The following SNX31 variants were observed in gnomAD, a reference collection of about 807,000 sequenced individuals.
SNX31 encodes the protein sorting nexin-31.
Under a neutral mutation model 65.4 loss-of-function variants are expected in SNX31, and 58 were observed. The ratio of observed to expected loss-of-function variants is 0.89; its 90% CI spans 0.72 to 1.10. SNX31 has a LOEUF of 1.10. Among genes scored for constraint, SNX31 ranks in the 50% least tolerant of loss-of-function variants. The pLI, the probability that SNX31 is intolerant of heterozygous loss-of-function variation, is 0.00. For missense variants in SNX31, 523 were observed against 529.7 expected (o/e 0.99, Z 0.12); for synonymous variants, 181 against 190.1 (o/e 0.95, Z 0.39).
At chr8:100,644,833 T>G (rs1819517963) in intron 2 of SNX31, among the ~76,000 whole-genome samples, 1 of 152,002 alleles carries the variant, frequency 6.6e-6, no homozygotes, top group African/African-American at 2.4e-5. Flanking sequence ...CCTGGCTAAT[T>G]TTTTGTATTT....
intron 12 of SNX31, among the ~76,000 whole-genome samples, chr8:100,583,311 G>T (rs1475932394): frequency 2.0e-5 from 3 of 151,758 alleles, no homozygotes; most frequent in Admixed American, 6.6e-5. Context: ...TCACCATGTT[G>T]GCCAGGCTGG....
chr8:100,634,387 C>T (rs7459678), intron 3 of SNX31, among the ~76,000 whole-genome samples: 22,466 of 149,570 alleles, frequency 0.15, 1,866 homozygotes, highest in South Asian at 0.25. Flanking sequence ...TTGTTCATTC[C>T]TAATCCAGAA....
intron 1 of SNX31, among the ~76,000 whole-genome samples, chr8:100,655,314 A>T (rs1249206446): frequency 6.6e-6 from 1 of 152,186 alleles, no homozygotes; most frequent in Non-Finnish European, 1.5e-5. Context: ...GCCTGGGATA[A>T]AATTAAAAGA....
At chr8:100,641,985 AGGAGAAT>A (rs1159315325) in intron 2 of SNX31, among the ~76,000 whole-genome samples, 2 of 152,068 alleles carry the variant, frequency 1.3e-5, no homozygotes, top group Non-Finnish European at 2.9e-5. Context: ...AGGCTGAGGC[AGGAGAAT>A]GGCGCGAACC....
intron 2 of SNX31, among the ~76,000 whole-genome samples, chr8:100,640,340 G>C (rs952111169): frequency 1.3e-5 from 2 of 152,138 alleles, no homozygotes; most frequent in African/African-American, 4.8e-5. Flanking sequence ...TGGTCAGGCT[G>C]GTCTCAAACT....
At position 100,604,586 on chromosome 8, in the gene SNX31, T is replaced by C. The variant is rs1309508358; in HGVS notation, c.681+3908A>G. 6.6e-6 allele frequency among the ~76,000 whole-genome samples: 1 copy of C among 152,244 alleles called. No individual in the cohort carries two copies. The highest frequency in any genetic ancestry group is 1.5e-5 in the Non-Finnish European group (1 of 68,042). On this transcript the variant is annotated intron_variant, in intron 8 of 13. Coordinates refer to ENST00000311812, the MANE Select transcript of SNX31 (RefSeq NM_152628.4). The surrounding 1 kb of genome is among the most constrained non-coding windows in gnomAD (Gnocchi z 4.3). ...CCCACCTGGAGGATGGGGTGCCTTT[T>C]TCTAATTTGCATCACTGTCCAGGCC...
At chr8:100,658,506 T>C (rs1809708656) in intron 1 of SNX31, among the ~76,000 whole-genome samples, 1 of 152,236 alleles carries the variant, frequency 6.6e-6, no homozygotes, top group Non-Finnish European at 1.5e-5. Flanking sequence ...ATGTAGTGGG[T>C]ACTTCCCATG....
intron 3 of SNX31, among the ~76,000 whole-genome samples, chr8:100,632,860 G>A (rs1818502103): frequency 6.6e-6 from 1 of 152,046 alleles, no homozygotes; most frequent in Admixed American, 6.5e-5. Context: ...GCTTCCCAAA[G>A]TGTTGGGATT....
intron 10 of SNX31, among the ~76,000 whole-genome samples, chr8:100,592,049 G>A (rs1475415564): frequency 1.3e-5 from 2 of 152,014 alleles, no homozygotes; most frequent in Non-Finnish European, 2.9e-5. Context: ...CTCAATGTCA[G>A]GTGATAAAAA....
At position 100,612,047 on chromosome 8, in the gene SNX31, A is replaced by G; in HGVS notation, c.564T>C (p.Ser188=). 6.2e-7 allele frequency: 1 copy of G among 1,614,138 alleles called. No individual in the cohort carries two copies. The highest frequency in any genetic ancestry group is 8.5e-7 in the Non-Finnish European group (1 of 1,180,016). Residue 188 remains serine, a synonymous_variant, in exon 7 of 14, where the codon AGT becomes AGC. Transcript: ENST00000311812. This position sits in a 1 kb window ranked among gnomAD's most constrained non-coding sequence, Gnocchi z 4.3. ...KLADFELPYV[S]LGSSEVENCK... ...AGTTTTCCACCTCAGAACTTCCAAG[A>G]CTAACATAAGGGAGTTCAAAGTCAG...
At chr8:100,624,203 T>C (rs1419846529) in intron 4 of SNX31, among the ~76,000 whole-genome samples, 1 of 152,038 alleles carries the variant, frequency 6.6e-6, no homozygotes, top group African/African-American at 2.4e-5. Flanking sequence ...TAATCCCAGC[T>C]CCTGGGGAAG....
In SNX31 at chr8:100,594,434, C is replaced by T. The variant is rs11997267; in HGVS notation, c.978+2205G>A. On this transcript the variant is annotated intron_variant, in intron 10 of 13. Coordinates refer to ENST00000311812, the MANE Select transcript of SNX31 (RefSeq NM_152628.4). The surrounding 1 kb of genome is among the most constrained non-coding windows in gnomAD (Gnocchi z 4.0). ...AAGTATCTAGAATACATAAAGAACT[C>T]TCAACACTCAACAGTAAAAAGCCAA... Among the ~76,000 whole-genome samples the T allele has an allele frequency of 0.043, 6,573 of 152,144 alleles. 500 individuals are homozygous for T. Among genetic ancestry groups the T allele is most frequent in the African/African-American group, 0.15 (6,249 of 41,474 alleles).
intron 2 of SNX31, among the ~76,000 whole-genome samples, chr8:100,644,853 C>T (rs7011689): frequency 0.38 from 58,109 of 152,120 alleles, 11,671 homozygotes; most frequent in East Asian, 0.49. Context: ...TTAGTAGAGA[C>T]GGGGTTTTAC....
intron 1 of SNX31, among the ~76,000 whole-genome samples, chr8:100,656,660 A>AC (rs1292405647): frequency 1.7e-4 from 26 of 151,708 alleles, no homozygotes; most frequent in Non-Finnish European, 4.4e-5. Flanking sequence ...AAAAAAAAAA[A>AC]AAAAAACCTT....
chr8:100,650,184 G>C (rs537818702), upstream of SNX31, among the ~76,000 whole-genome samples: 1 of 152,258 alleles, frequency 6.6e-6, no homozygotes, highest in Non-Finnish European at 1.5e-5. Flanking sequence ...TCTTTCAACA[G>C]TCTCTCATTT....
chr8:100,652,283 G>T (rs373333552), upstream of SNX31, among the ~76,000 whole-genome samples: 13 of 152,076 alleles, frequency 8.5e-5, no homozygotes, highest in Non-Finnish European at 1.6e-4. Context: ...CGGCCCACAG[G>T]TTTTTAATTC....
intron 2 of SNX31, among the ~76,000 whole-genome samples, chr8:100,646,556 GC>G (rs1177385639): frequency 6.6e-6 from 1 of 152,152 alleles, no homozygotes; most frequent in East Asian, 1.9e-4. Context: ...ACAAAAGGCA[GC>G]TTTTCAGCTA....
At chr8:100,589,706 G>C (rs1814398495) in intron 10 of SNX31, among the ~76,000 whole-genome samples, 1 of 152,332 alleles carries the variant, frequency 6.6e-6, no homozygotes. Context: ...AGGCTCCAAG[G>C]CATGGAGGGT....
Position 100,649,558 on chromosome 8 carries a change from G to A in SNX31, c.-44C>T, listed in dbSNP as rs374856882. On this transcript the variant is annotated 5_prime_UTR_variant, in exon 1 of 14. Coordinates refer to ENST00000311812, the MANE Select transcript of SNX31 (RefSeq NM_152628.4). ...GAGTAGCGCTGGGAACCCGACCTGC[G>A]GCGGCGGGCGGTGCGCGGCTCTGAA... 85 of 1,532,976 alleles carry A rather than the reference G, an allele frequency of 5.5e-5. No individual in the cohort carries two copies. In the African/African-American group the frequency reaches 9.7e-4, roughly 18 times the overall value. The allele number at this position is 1,532,976 out of a possible 1,614,324, so 95.0% of individuals were successfully genotyped here.
Sources: allele counts gnomAD v4.1 joint callset (sites outside exome capture counted in the v4.1 genomes callset), GRCh38; gene constraint gnomAD v4.1.1; non-coding constraint Gnocchi (gnomAD v3.1); transcripts MANE v1.5; gene names NCBI Gene and HGNC (gene_info 2026-07-23, HGNC 2026-07-21).